ARHGAP15: variants seen among roughly 807,000 people sequenced by gnomAD.
The protein encoded by ARHGAP15 is rho GTPase-activating protein 15.
ARHGAP15 carries 51 observed loss-of-function variants against 63.7 expected under a neutral mutation model. That is an observed-to-expected ratio of 0.80 (90% CI 0.64 to 1.01). The LOEUF is 1.01. ARHGAP15 is among the 50% of genes least tolerant of loss of function. The pLI is 0.00. For synonymous variants in ARHGAP15, 191 were observed against 193.8 expected (o/e 0.99, Z 0.12); for missense variants, 560 against 564.6 (o/e 0.99, Z 0.08).
intron 10 of ARHGAP15, among the ~76,000 whole-genome samples, chr2:143,555,584 AT>A (rs1695752598): frequency 6.6e-6 from 1 of 152,130 alleles, no homozygotes; most frequent in Admixed American, 6.6e-5. Flanking sequence ...ACTAGATTCT[AT>A]AAATAGATGT....
At chr2:143,179,115 G>C (rs1342461266) in intron 2 of ARHGAP15, among the ~76,000 whole-genome samples, 1 of 152,242 alleles carries the variant, frequency 6.6e-6, no homozygotes, top group African/African-American at 2.4e-5. Flanking sequence ...AGAATCATTA[G>C]AGGGCTTTTT....
chr2:143,761,714 CTTT>C (rs1017053879), intron 13 of ARHGAP15, among the ~76,000 whole-genome samples: 1 of 152,066 alleles, frequency 6.6e-6, no homozygotes, highest in African/African-American at 2.4e-5. Flanking sequence ...CAGCATAAGG[CTTT>C]TTTGAGAGGA....
At chr2:143,337,739 TA>T (rs111943872) in intron 6 of ARHGAP15, among the ~76,000 whole-genome samples, 6 of 150,558 alleles carry the variant, frequency 4.0e-5, no homozygotes, top group East Asian at 1.9e-4. Flanking sequence ...ATATCAAACA[TA>T]AAAAAAAAGT....
chr2:143,523,131 T>C (rs1367805485), intron 10 of ARHGAP15, among the ~76,000 whole-genome samples: 1 of 152,118 alleles, frequency 6.6e-6, no homozygotes, highest in East Asian at 1.9e-4. Context: ...TAAATATTGG[T>C]TAAATGAAGC....
intron 1 of ARHGAP15, among the ~76,000 whole-genome samples, chr2:143,151,355 C>T (rs1005419613): frequency 6.6e-6 from 1 of 151,942 alleles, no homozygotes; most frequent in African/African-American, 2.4e-5. Context: ...TGTTAATGTC[C>T]CATCCCCAGT....
chr2:143,738,767 C>T (rs55886108), intron 13 of ARHGAP15, among the ~76,000 whole-genome samples: 44,143 of 152,078 alleles, frequency 0.29, 7,314 homozygotes, highest in Non-Finnish European at 0.38. Context: ...TTGTAAAGAA[C>T]TTACATTCAC....
intron 1 of ARHGAP15, among the ~76,000 whole-genome samples, chr2:143,139,324 C>T (rs1689270194): frequency 1.3e-5 from 2 of 152,072 alleles, no homozygotes; most frequent in Admixed American, 1.3e-4. Context: ...TCCATACATC[C>T]AATCAATTGC....
At chr2:143,699,219 A>G (rs571758043) in intron 12 of ARHGAP15, among the ~76,000 whole-genome samples, 6 of 152,276 alleles carry the variant, frequency 3.9e-5, no homozygotes, top group African/African-American at 1.2e-4. Context: ...TGATTTTACA[A>G]GCTATGGAAG....
chr2:143,325,396 T>G (rs568495852), intron 6 of ARHGAP15, among the ~76,000 whole-genome samples: 1 of 152,088 alleles, frequency 6.6e-6, no homozygotes, highest in Non-Finnish European at 1.5e-5. Flanking sequence ...AACACCTCAT[T>G]TTAGTACAAT....
intron 2 of ARHGAP15, among the ~76,000 whole-genome samples, chr2:143,175,876 A>C (rs1036471846): frequency 2.0e-5 from 3 of 152,226 alleles, no homozygotes; most frequent in African/African-American, 7.2e-5. Context: ...TCAGAGAATC[A>C]GAAGAGACAG....
At chr2:143,531,116 A>ATGTGTGAGCGCGTGCG (rs1553497412) in intron 10 of ARHGAP15, among the ~76,000 whole-genome samples, 1 of 27,442 alleles carries the variant, frequency 3.6e-5, no homozygotes, top group Non-Finnish European at 7.9e-5. Flanking sequence ...CTGTGTGTGT[A>ATGTGTGAGCGCGTGCG]TGTGTGTGCG....
intron 13 of ARHGAP15, among the ~76,000 whole-genome samples, chr2:143,726,860 C>T (rs1226319203): frequency 6.6e-6 from 1 of 152,022 alleles, no homozygotes; most frequent in Non-Finnish European, 1.5e-5. Flanking sequence ...AGTAGAAGAC[C>T]ACCTACTTTG....
intron 12 of ARHGAP15, among the ~76,000 whole-genome samples, chr2:143,669,943 G>A (rs544138263): frequency 6.6e-6 from 1 of 152,234 alleles, no homozygotes; most frequent in South Asian, 2.1e-4. Context: ...GTTAAGTTTA[G>A]GCTGACACAA....
At chr2:143,727,801 T>G (rs1465644829) in intron 13 of ARHGAP15, among the ~76,000 whole-genome samples, 1 of 152,212 alleles carries the variant, frequency 6.6e-6, no homozygotes, top group Non-Finnish European at 1.5e-5. Context: ...AACCAGATTT[T>G]TTTTACTCTA....
chr2:143,402,966 G>A (rs1688049323), intron 6 of ARHGAP15, among the ~76,000 whole-genome samples: 1 of 151,740 alleles, frequency 6.6e-6, no homozygotes, highest in Non-Finnish European at 1.5e-5. Context: ...ATCTGGTTTT[G>A]TTAATTTCAA....
Position 143,622,780 on chromosome 2 carries a change from TTA to T in ARHGAP15, c.1004-1352_1004-1351del, listed in dbSNP as rs1491351364. The stretch of plus-strand genomic sequence containing the variant: ...GCCTTAGAAACGATCGTTCATTTAT[TTA>T]AAAAAAAAAAAAAAAAAAAAAAAAA... On this transcript the variant is annotated intron_variant, in intron 11 of 13. Coordinates refer to ENST00000295095, the MANE Select transcript of ARHGAP15 (RefSeq NM_018460.4). 3.4e-3 allele frequency among the ~76,000 whole-genome samples: 286 copies of T among 85,358 alleles called. 2 individuals are homozygous for T. The highest frequency in any genetic ancestry group is 8.9e-3 in the African/African-American group (277 of 31,224). The allele number at this position is 85,358 out of a possible 152,430, so 56.0% of individuals were successfully genotyped here. A position where few individuals can be genotyped will look rare whatever the true frequency, so the allele number is the denominator to read the frequency against.
intron 6 of ARHGAP15, among the ~76,000 whole-genome samples, chr2:143,419,461 T>TATCATGACAAAATTTGGAAAC (rs139059272): frequency 4.0e-5 from 6 of 151,876 alleles, no homozygotes; most frequent in Admixed American, 2.0e-4. Flanking sequence ...TGGGTTTATT[T>TATCATGACAAAATTTGGAAAC]AACTAAATTG....
intron 12 of ARHGAP15, among the ~76,000 whole-genome samples, chr2:143,638,184 A>T (rs1342782416): frequency 6.8e-6 from 1 of 146,398 alleles, no homozygotes; most frequent in Non-Finnish European, 1.5e-5. Flanking sequence ...TCATGCTGCT[A>T]TAAAGACACA....
chr2:143,329,917 C>G (rs1262982673), intron 6 of ARHGAP15, among the ~76,000 whole-genome samples: 1 of 130,008 alleles, frequency 7.7e-6, no homozygotes, highest in Admixed American at 7.6e-5. Flanking sequence ...CCCTCCAACC[C>G]CCATCACTAC....
Sources: gnomAD v4.1 joint callset for allele counts (sites outside exome capture counted in the v4.1 genomes callset) on GRCh38, gnomAD v4.1.1 for gene constraint, MANE v1.5 for transcripts, NCBI Gene and HGNC (gene_info 2026-07-23, HGNC 2026-07-21) for gene names.